The following PCDH11Y variants were observed in gnomAD, a reference collection of about 807,000 sequenced individuals.
PCDH11Y encodes the protein protocadherin-11 Y-linked.
For synonymous variants in PCDH11Y, 9 were observed against 83.6 expected (o/e 0.11, Z 4.87); for missense variants, 12 against 224.8 (o/e 0.05, Z 6.05).
rs1602878071 is a variant in PCDH11Y, at chrY:5,160,301, C to T, written c.3129+59594C>T. On this transcript the variant is annotated intron_variant, in intron 2 of 4. Coordinates refer to the PCDH11Y transcript ENST00000400457. ...GCATCGATGTCATTAAGGAAATGAT[C>T]GTAATTGAATGGGCTTAACACTTTA... 2.0e-4 allele frequency among the ~76,000 whole-genome samples: 6 copies of T among 29,627 alleles called. No individual in the cohort carries two copies. The East Asian group carries it at 5.2e-3, about 26-fold the overall frequency. The allele number at this position is 29,627 out of a possible 37,273, so 79.5% of individuals were successfully genotyped here. A position where few individuals can be genotyped will look rare whatever the true frequency, so the allele number is the denominator to read the frequency against.
intron 1 of PCDH11Y, chrY:5,019,186 G>C: frequency 3.0e-5 from 1 of 33,221 alleles, no homozygotes; most frequent in Admixed American, 2.7e-4. Flanking sequence ...TTTTGGAGCA[G>C]GGAGATGGAA....
chrY:5,709,229 C>T, intron 4 of PCDH11Y, among the ~76,000 whole-genome samples: 1 of 31,429 alleles, frequency 3.2e-5, no homozygotes, highest in African/African-American at 1.3e-4. Context: ...GCCACCCCCA[C>T]CCCTTTCCCC....
At chrY:5,506,310 C>T in intron 3 of PCDH11Y, among the ~76,000 whole-genome samples, 1 of 32,421 alleles carries the variant, frequency 3.1e-5, no homozygotes, top group African/African-American at 1.2e-4. Context: ...TAATATTACC[C>T]GTATAACTGT....
intron 2 of PCDH11Y, among the ~76,000 whole-genome samples, chrY:5,457,680 C>T (rs1399100315): frequency 1.6e-3 from 54 of 33,200 alleles, no homozygotes; most frequent in African/African-American, 4.5e-3. Flanking sequence ...TATATATCTA[C>T]GTGTATTTCT....
intron 4 of PCDH11Y, among the ~76,000 whole-genome samples, chrY:5,595,835 A>G: frequency 3.1e-5 from 1 of 31,903 alleles, no homozygotes; most frequent in Non-Finnish European, 7.6e-5. Flanking sequence ...GCATTTTTTT[A>G]GCATATTTTA....
intron 1 of PCDH11Y, among the ~76,000 whole-genome samples, chrY:5,097,859 C>T: frequency 3.1e-5 from 1 of 32,761 alleles, no homozygotes; most frequent in African/African-American, 1.2e-4. Flanking sequence ...TTTAAAAAAA[C>T]TTAAATAGCT....
chrY:5,477,454 T>C (rs2053320564), intron 2 of PCDH11Y, among the ~76,000 whole-genome samples: 1 of 32,517 alleles, frequency 3.1e-5, no homozygotes, highest in African/African-American at 1.2e-4. Context: ...TCATCAGGGT[T>C]ACTGGCCTGA....
chrY:5,021,753 C>T, intron 1 of PCDH11Y, among the ~76,000 whole-genome samples: 2 of 31,663 alleles, frequency 6.3e-5, no homozygotes, highest in Admixed American at 3.0e-4. Context: ...GTTTGAAAAT[C>T]TCCTTTATTA....
chrY:5,366,727 T>C (rs2053180437), intron 2 of PCDH11Y, among the ~76,000 whole-genome samples: 49 of 28,133 alleles, frequency 1.7e-3, no homozygotes, highest in Non-Finnish European at 1.0e-3. Flanking sequence ...TCTTTTCTTT[T>C]TTTTTTTTTT....
chrY:5,065,574 A>G, intron 1 of PCDH11Y, among the ~76,000 whole-genome samples: 2 of 32,781 alleles, frequency 6.1e-5, no homozygotes, highest in African/African-American at 2.4e-4. Context: ...TAAAAAGCCT[A>G]TTTTACGACT....
At chrY:5,112,946 T>A in intron 2 of PCDH11Y, among the ~76,000 whole-genome samples, 1 of 34,344 alleles carries the variant, frequency 2.9e-5, no homozygotes, top group Non-Finnish European at 7.3e-5. Context: ...CAGGTTTTTG[T>A]ATGAATATGT....
At chrY:5,342,090 A>G (rs2124668954) in intron 2 of PCDH11Y, among the ~76,000 whole-genome samples, 8 of 33,372 alleles carry the variant, frequency 2.4e-4, no homozygotes, top group African/African-American at 9.3e-4. Flanking sequence ...TCCTCATACA[A>G]TGCAAGGGAA....
At chrY:5,495,154 G>T in intron 2 of PCDH11Y, among the ~76,000 whole-genome samples, 1 of 33,362 alleles carries the variant, frequency 3.0e-5, no homozygotes, top group Non-Finnish European at 7.4e-5. Flanking sequence ...AATGACTTGA[G>T]TTGGTAAAGT....
At chrY:5,360,864 T>G in intron 2 of PCDH11Y, among the ~76,000 whole-genome samples, 1 of 32,286 alleles carries the variant, frequency 3.1e-5, no homozygotes. Flanking sequence ...GCACTAGATG[T>G]ACGTGTGACG....
chrY:5,082,367 G>A (rs2124632276), intron 1 of PCDH11Y, among the ~76,000 whole-genome samples: 2 of 32,990 alleles, frequency 6.1e-5, no homozygotes, highest in East Asian at 1.6e-3. Flanking sequence ...ATCTCTGCGA[G>A]GTTTTGGTAT....
chrY:5,491,739 A>T, intron 2 of PCDH11Y, among the ~76,000 whole-genome samples: 1 of 29,029 alleles, frequency 3.4e-5, no homozygotes, highest in African/African-American at 1.4e-4. Context: ...TGCCCAATTC[A>T]CTTGCAGTAC....
At chrY:5,005,003 T>G in intron 1 of PCDH11Y, among the ~76,000 whole-genome samples, 2 of 33,730 alleles carry the variant, frequency 5.9e-5, no homozygotes, top group Non-Finnish European at 1.5e-4. Context: ...AAATAGTCAT[T>G]CCTAGTCAGT....
chrY:5,642,050 A>G, intron 4 of PCDH11Y, among the ~76,000 whole-genome samples: 1 of 33,605 alleles, frequency 3.0e-5, no homozygotes, highest in African/African-American at 1.2e-4. Flanking sequence ...TTAAAGTGCC[A>G]AAACAAAAAA....
At chrY:5,725,316 G>A (rs2053598159) in intron 4 of PCDH11Y, among the ~76,000 whole-genome samples, 2 of 31,684 alleles carry the variant, frequency 6.3e-5, no homozygotes, top group African/African-American at 2.5e-4. Context: ...GAATTTAAGA[G>A]AACTAGATTA....
Sources: gnomAD v4.1 joint callset for allele counts (sites outside exome capture counted in the v4.1 genomes callset) on GRCh38, gnomAD v4.1.1 for gene constraint, MANE v1.5 for transcripts, NCBI Gene and HGNC (gene_info 2026-07-23, HGNC 2026-07-21) for gene names.